The following CAGE1 variants were observed in gnomAD, a reference collection of about 807,000 sequenced individuals.
CAGE1 encodes the protein cancer-associated gene 1 protein.
A neutral mutation model predicts 94.9 loss-of-function variants in CAGE1; 66 were observed. The observed-to-expected ratio is 0.70, with a 90% CI of 0.57 to 0.85. CAGE1 has a LOEUF of 0.85. CAGE1 is among the 40% of genes least tolerant of loss of function. CAGE1 has a pLI of 0.00. For missense variants in CAGE1, 865 were observed against 950.4 expected (o/e 0.91, Z 1.18); for synonymous variants, 319 against 321.0 (o/e 0.99, Z 0.07).
chr6:7,382,761 A>G lies in CAGE1; in HGVS notation c.283+3024T>C, dbSNP rs569688346. On this transcript the variant is annotated intron_variant, in intron 3 of 13. Transcript: ENST00000502583. The stretch of plus-strand genomic sequence containing the variant: ...CCTGTTTCTACAAAAACACAAAAAA[A>G]CTAGCCGTACATAGTGGCAGGCAGC... 9.5e-4 allele frequency among the ~76,000 whole-genome samples: 144 copies of G among 152,062 alleles called. 1 individual carries two copies. The highest frequency in any genetic ancestry group is 3.3e-3 in the African/African-American group (136 of 41,528).
chr6:7,343,249 G>A (rs912803407), intron 11 of CAGE1, among the ~76,000 whole-genome samples: 1 of 151,086 alleles, frequency 6.6e-6, no homozygotes, highest in Admixed American at 6.6e-5. Context: ...CAATGGGATT[G>A]TGACTATAAA....
chr6:7,352,290 C>CAAAAAAAAAAAAAAAAAAAAAA (rs77426667), intron 11 of CAGE1, among the ~76,000 whole-genome samples: 3 of 43,628 alleles, frequency 6.9e-5, no homozygotes, highest in African/African-American at 5.9e-5. Context: ...ACAATAGCTG[C>CAAAAAAAAAAAAAAAAAAAAAA]AAAAAAAAAA....
intron 13 of CAGE1, 77 bp from the exon 14 acceptor site, chr6:7,326,976 A>C: frequency 9.7e-7 from 1 of 1,026,994 alleles, no homozygotes; most frequent in Non-Finnish European, 1.5e-6. Flanking sequence ...TAAACAGCCA[A>C]TTTTTTATTA....
intron 11 of CAGE1, chr6:7,338,717 TCCC>T: frequency 1.5e-6 from 1 of 655,010 alleles, no homozygotes; most frequent in Non-Finnish European, 2.7e-6. Flanking sequence ...TTCCACTCTT[TCCC>T]CCAAGTCCCC....
intron 1 of CAGE1, among the ~76,000 whole-genome samples, chr6:7,387,728 T>C (rs913090391): frequency 1.3e-5 from 2 of 152,036 alleles, no homozygotes; most frequent in African/African-American, 2.4e-5. Context: ...CCTTTAAAAA[T>C]GTCTTTCAGG....
intron 12 of CAGE1, among the ~76,000 whole-genome samples, chr6:7,333,151 A>G (rs575836453): frequency 6.6e-6 from 1 of 152,120 alleles, no homozygotes; most frequent in East Asian, 1.9e-4. Flanking sequence ...GGGTTTCACC[A>G]TGTTGGCCAG....
At chr6:7,332,606 T>C (rs1246377176) in intron 12 of CAGE1, among the ~76,000 whole-genome samples, 1 of 152,216 alleles carries the variant, frequency 6.6e-6, no homozygotes, top group Non-Finnish European at 1.5e-5. Context: ...TCCTCTGTGT[T>C]TCCCAACTTT....
intron 11 of CAGE1, among the ~76,000 whole-genome samples, chr6:7,344,158 C>A (rs1331776221): frequency 1.3e-5 from 2 of 152,328 alleles, no homozygotes; most frequent in East Asian, 3.9e-4. Context: ...ACTGTGAGAG[C>A]CCCTTTCTGG....
intron 3 of CAGE1, among the ~76,000 whole-genome samples, chr6:7,382,184 C>A (rs1760958088): frequency 6.6e-6 from 1 of 151,988 alleles, no homozygotes; most frequent in Non-Finnish European, 1.5e-5. Context: ...ATTTTAGATA[C>A]CAAATCTTTG....
chr6:7,335,473 T>C (rs146790321), intron 11 of CAGE1, among the ~76,000 whole-genome samples: 250 of 152,364 alleles, frequency 1.6e-3, no homozygotes, highest in Middle Eastern at 0.014. Context: ...CCAAAGAGCA[T>C]ACACTCCTAG....
In CAGE1 at chr6:7,389,218, T is replaced by C; in HGVS notation, c.-40A>G. Reference sequence around the variant, plus strand: ...AAACTTTACCTTTTTAAAAAGCACTTATCTCATTCATTTTTCACCTCAAAA... The same window carrying C: ...AAACTTTACCTTTTTAAAAAGCACTCATCTCATTCATTTTTCACCTCAAAA... On this transcript the variant is annotated 5_prime_UTR_variant, in exon 1 of 14. The change creates a new upstream start codon in the 5' untranslated region. Transcript: ENST00000502583. The C allele has an allele frequency of 2.2e-6, 1 of 456,004 alleles. No homozygotes were observed. Among genetic ancestry groups the C allele is most frequent in the Admixed American group, 2.4e-5 (1 of 42,506 alleles). The allele number at this position is 456,004 out of a possible 1,614,324, so 28.2% of individuals were successfully genotyped here.
In CAGE1 at chr6:7,373,931, T is replaced by A. The variant is rs753145280; in HGVS notation, c.888A>T (p.Leu296Phe). 5 of 1,613,938 alleles carry A rather than the reference T, an allele frequency of 3.1e-6. No homozygotes were observed. In the East Asian group the frequency reaches 1.1e-4, roughly 36 times the overall value. ...MPDWEQSAES[L>F]QPVQEDMALN... ...AAGCCATGTCCTCTTGAACAGGTTG[T>A]AAGCTTTCAGCACTTTGCTCCCAGT... Residue 296 changes from leucine (L) to phenylalanine (F), a missense_variant, in exon 5 of 14, where the codon TTA (leucine) becomes TTT (phenylalanine). Leu to Phe is a conservative substitution (Grantham distance 22). Coordinates refer to ENST00000502583, the MANE Select transcript of CAGE1 (RefSeq NM_001170692.2).
chr6:7,365,317 T>C (rs1479383692), intron 9 of CAGE1, 151 bp downstream of exon 9: 12 of 599,146 alleles, frequency 2.0e-5, no homozygotes, highest in African/African-American at 1.9e-4. Flanking sequence ...ACTTCGATTC[T>C]ATATTATTGT....
At chr6:7,352,290 C>CAAAAAAAAAAAAAAACAAAAAAAA (rs1759799617) in intron 11 of CAGE1, among the ~76,000 whole-genome samples, 1 of 43,630 alleles carries the variant, frequency 2.3e-5, no homozygotes, top group Non-Finnish European at 5.8e-5. Flanking sequence ...ACAATAGCTG[C>CAAAAAAAAAAAAAAACAAAAAAAA]AAAAAAAAAA....
intron 9 of CAGE1, among the ~76,000 whole-genome samples, chr6:7,361,740 G>A (rs1443951917): frequency 1.3e-5 from 2 of 152,214 alleles, no homozygotes; most frequent in Non-Finnish European, 1.5e-5. Flanking sequence ...GTGAGGGATA[G>A]AGTCAGAGTA....
chr6:7,345,343 G>A (rs1285292642), intron 11 of CAGE1, among the ~76,000 whole-genome samples: 1 of 146,686 alleles, frequency 6.8e-6, no homozygotes, highest in Admixed American at 6.8e-5. Flanking sequence ...CCAGCAGGAT[G>A]AAAGAAACTC....
At chr6:7,372,986 A>G in intron 5 of CAGE1, 87 bp downstream of exon 5, 1 of 937,270 alleles carries the variant, frequency 1.1e-6, no homozygotes, top group Non-Finnish European at 1.6e-6. Flanking sequence ...CTGCAAACAA[A>G]TATAAGTGCC....
At position 7,356,145 on chromosome 6, in the gene CAGE1, A is replaced by T; in HGVS notation, c.2194-16T>A. ...GTTTTGTGATCTATGGAGAAATATC[A>T]GTAAACATACTAATCTGGAACCTGC... On this transcript the variant is annotated splice_polypyrimidine_tract_variant and intron_variant, in intron 9 of 13. Transcript: ENST00000502583. 1 of 1,390,784 alleles carries T rather than the reference A, an allele frequency of 7.2e-7. No individual in the cohort carries two copies. Among genetic ancestry groups the T allele is most frequent in the Non-Finnish European group, 1.0e-6 (1 of 1,002,134 alleles). 86.2% of individuals were successfully genotyped at this position (1,390,784 alleles called of 1,614,324 possible). A position where few individuals can be genotyped will look rare whatever the true frequency, so the allele number is the denominator to read the frequency against.
rs971208681 is a variant in CAGE1 at position 7,339,583 on chromosome 6, C to T, written c.2370-5493G>A. ...TGTAAGGCGATCTTGCCGCCATGCT[C>T]CGCTGAAAGGAAAGGCACTGTATCA... On this transcript the variant is annotated intron_variant, in intron 11 of 13. Coordinates refer to ENST00000502583, the MANE Select transcript of CAGE1 (RefSeq NM_001170692.2). The surrounding 1 kb of genome is among the most constrained non-coding windows in gnomAD (Gnocchi z 4.7). 1.3e-6 allele frequency: 1 copy of T among 744,892 alleles called. No homozygotes were observed. 46.1% of individuals were successfully genotyped at this position (744,892 alleles called of 1,614,324 possible).
Sources: allele counts gnomAD v4.1 joint callset (sites outside exome capture counted in the v4.1 genomes callset), GRCh38; gene constraint gnomAD v4.1.1; non-coding constraint Gnocchi (gnomAD v3.1); transcripts MANE v1.5; gene names NCBI Gene and HGNC (gene_info 2026-07-23, HGNC 2026-07-21).